The following TDRD12 variants were observed in gnomAD, a reference collection of about 807,000 sequenced individuals.
TDRD12 encodes the protein tudor domain containing 12, also known as putative ATP-dependent RNA helicase TDRD12.
TDRD12 carries 158 observed loss-of-function variants against 133.5 expected under a neutral mutation model. The observed-to-expected ratio is 1.18, with a 90% CI of 1.04 to 1.35. The LOEUF is 1.35. Ranked by LOEUF, TDRD12 falls within the 40% of genes most tolerant of loss-of-function variation. The pLI, the probability that TDRD12 is intolerant of heterozygous loss-of-function variation, is 0.00. For missense variants in TDRD12, 1,443 were observed against 1,321.3 expected, an observed-to-expected ratio of 1.09 and a Z score of -1.43; for synonymous variants, 460 against 477.9, an observed-to-expected ratio of 0.96 and a Z score of 0.49.
chr19:32,786,229 C>A (rs905432579), intron 11 of TDRD12, among the ~76,000 whole-genome samples: 2 of 152,090 alleles, frequency 1.3e-5, no homozygotes, highest in Non-Finnish European at 2.9e-5. Flanking sequence ...GTTGAAAATT[C>A]TTTTCAAGAA....
chr19:32,808,018 G>A (rs1316090770), intron 22 of TDRD12, among the ~76,000 whole-genome samples: 2 of 152,102 alleles, frequency 1.3e-5, no homozygotes, highest in African/African-American at 4.8e-5. Flanking sequence ...GAGGCCAGGA[G>A]TTCAAGACCA....
chr19:32,803,674 A>T (rs1354011275), intron 21 of TDRD12, among the ~76,000 whole-genome samples: 1 of 152,182 alleles, frequency 6.6e-6, no homozygotes, highest in Non-Finnish European at 1.5e-5. Flanking sequence ...ACTCTTCCAA[A>T]GCGGCTGGCC....
rs190592418 is a variant in TDRD12, at chr19:32,770,627, G to A, written c.866-2126G>A. On this transcript the variant is annotated intron_variant, in intron 8 of 27. Coordinates refer to ENST00000444215, the Ensembl canonical transcript of TDRD12. Reference sequence around the variant, plus strand: ...CAGTTTTTCTTTCAAGTTCTTTGGAGTGGAATTGCTTGGGTTCGAATCCCA... The same window carrying A: ...CAGTTTTTCTTTCAAGTTCTTTGGAATGGAATTGCTTGGGTTCGAATCCCA... Among the ~76,000 whole-genome samples the A allele has an allele frequency of 9.2e-5, 14 of 152,196 alleles. No individual in the cohort carries two copies. The East Asian group carries it at 2.3e-3, about 25-fold the overall frequency.
chr19:32,722,939 C>T (rs934859805), intron 1 of TDRD12, among the ~76,000 whole-genome samples: 64 of 152,232 alleles, frequency 4.2e-4, no homozygotes, highest in African/African-American at 1.5e-3. Flanking sequence ...CTCGGCCTCC[C>T]AAACTGCTGG....
At chr19:32,795,463 G>A (rs1029724035) in intron 14 of TDRD12, among the ~76,000 whole-genome samples, 9 of 152,054 alleles carry the variant, frequency 5.9e-5, no homozygotes, top group African/African-American at 1.7e-4. Context: ...ACCATTTCAC[G>A]GAGGAGAAAA....
In TDRD12 at chr19:32,743,300, G is replaced by A. The variant is rs554319590; in HGVS notation, c.440+400G>A. Among the ~76,000 whole-genome samples the A allele has an allele frequency of 2.8e-4, 43 of 152,118 alleles. 1 individual carries two copies. Among genetic ancestry groups the A allele is most frequent in the African/African-American group, 9.4e-4 (39 of 41,494 alleles). On this transcript the variant is annotated intron_variant, in intron 4 of 27. Coordinates refer to ENST00000444215, the Ensembl canonical transcript of TDRD12. ...GGGTTCCAGCAATCCTCCTACCTCA[G>A]CCTCCCAAATAGCTGGGACTACAGG...
intron 13 of TDRD12, among the ~76,000 whole-genome samples, chr19:32,793,793 C>CTTTTTTT (rs766973591): frequency 1.7e-5 from 2 of 116,114 alleles, no homozygotes; most frequent in Non-Finnish European, 3.4e-5. Flanking sequence ...AAGCAAGAAT[C>CTTTTTTT]TTTTTTTTTT....
intron 27 of TDRD12, among the ~76,000 whole-genome samples, chr19:32,818,451 T>C (rs1270622274): frequency 6.6e-6 from 1 of 152,116 alleles, no homozygotes; most frequent in African/African-American, 2.4e-5. Context: ...GAACAGAAGA[T>C]GGTTCGTGGC....
chr19:32,726,772 G>A (rs1968877169), intron 1 of TDRD12, among the ~76,000 whole-genome samples: 1 of 152,144 alleles, frequency 6.6e-6, no homozygotes, highest in African/African-American at 2.4e-5. Context: ...TTTAAAAAAA[G>A]AATTTCCTTC....
chr19:32,804,332 A>C (rs1971481892), intron 21 of TDRD12, among the ~76,000 whole-genome samples: 1 of 149,440 alleles, frequency 6.7e-6, no homozygotes, highest in Admixed American at 6.7e-5. Flanking sequence ...TCGGCCTCCC[A>C]AAGTGCTGAG....
At chr19:32,810,604 G>A (rs189043404) in intron 23 of TDRD12, among the ~76,000 whole-genome samples, 64 of 152,362 alleles carry the variant, frequency 4.2e-4, no homozygotes, top group African/African-American at 1.3e-3. Flanking sequence ...TGTTACGAAT[G>A]TGGTGTCAGG....
intron 10 of TDRD12, among the ~76,000 whole-genome samples, chr19:32,775,038 G>T (rs1307384364): frequency 6.6e-6 from 1 of 150,720 alleles, no homozygotes; most frequent in East Asian, 1.9e-4. Flanking sequence ...TATTTCTTAT[G>T]CTTGGGGTTC....
intron 26 of TDRD12, among the ~76,000 whole-genome samples, chr19:32,816,460 G>A (rs764325047): frequency 6.6e-6 from 1 of 152,154 alleles, no homozygotes; most frequent in Non-Finnish European, 1.5e-5. Flanking sequence ...CTCAAAGGAG[G>A]CATAAATTCT....
At chr19:32,754,251 T>G (rs1969923796) in intron 6 of TDRD12, among the ~76,000 whole-genome samples, 1 of 152,192 alleles carries the variant, frequency 6.6e-6, no homozygotes, top group Non-Finnish European at 1.5e-5. Flanking sequence ...GGTGGATTGC[T>G]TGAGCTCCGG....
intron 2 of TDRD12, among the ~76,000 whole-genome samples, chr19:32,734,992 C>T (rs1969182946): frequency 6.6e-6 from 1 of 152,198 alleles, no homozygotes; most frequent in Non-Finnish European, 1.5e-5. Context: ...TGTGTTCTGA[C>T]TGCTCCACCA....
chr19:32,725,277 C>G (rs1024377967), intron 1 of TDRD12, among the ~76,000 whole-genome samples: 6 of 151,464 alleles, frequency 4.0e-5, no homozygotes, highest in South Asian at 2.1e-4. Flanking sequence ...GTCATGAAAT[C>G]GTTGCCGTTG....
chr19:32,823,579 G>C (rs1333435930), downstream of TDRD12, among the ~76,000 whole-genome samples: 1 of 152,194 alleles, frequency 6.6e-6, no homozygotes, highest in Non-Finnish European at 1.5e-5. Flanking sequence ...CGAGTGGTAC[G>C]TGGGGGACTG....
chr19:32,802,394 A>G (rs1599606243), intron 19 of TDRD12, among the ~76,000 whole-genome samples: 1 of 151,816 alleles, frequency 6.6e-6, no homozygotes, highest in South Asian at 2.1e-4. Context: ...AAGTCAAAAT[A>G]TATAGAATAA....
chr19:32,784,120 G>A (rs1302278035), intron 11 of TDRD12, among the ~76,000 whole-genome samples: 1 of 152,122 alleles, frequency 6.6e-6, no homozygotes, highest in Admixed American at 6.5e-5. Context: ...CATGATATTG[G>A]CTGTGGGTTT....
Sources: allele counts gnomAD v4.1 joint callset (sites outside exome capture counted in the v4.1 genomes callset), GRCh38; gene constraint gnomAD v4.1.1; transcripts MANE v1.5; gene names NCBI Gene and HGNC (gene_info 2026-07-23, HGNC 2026-07-21).